The following DYNLL2 variants were observed in gnomAD, a reference collection of about 807,000 sequenced individuals.
DYNLL2 encodes dynein light chain 2, cytoplasmic.
In DYNLL2, 1 loss-of-function variant was observed where a neutral mutation model predicts 9.7. That is an observed-to-expected ratio of 0.10 (90% CI 0.04 to 0.49). The LOEUF is 0.49. Ranked by LOEUF, DYNLL2 falls within the 20% of genes least tolerant of loss-of-function variation. The pLI, the probability that DYNLL2 is intolerant of heterozygous loss-of-function variation, is 0.95. For synonymous variants in DYNLL2, 35 were observed against 40.5 expected, an observed-to-expected ratio of 0.86 and a Z score of 0.52; for missense variants, 37 against 115.2, an observed-to-expected ratio of 0.32 and a Z score of 3.11.
chr17:58,088,558 G>C (rs149217536), intron 2 of DYNLL2, among the ~76,000 whole-genome samples: 416 of 152,280 alleles, frequency 2.7e-3, no homozygotes, highest in Non-Finnish European at 2.6e-3. Context: ...GAATTGCCTT[G>C]ATCTCATGGT....
chr17:58,091,502 G>A lies in DYNLL2; in HGVS notation c.*2223G>A, dbSNP rs140912915. The A allele has an allele frequency of 6.6e-6, 1 of 152,332 alleles. No homozygotes were observed. The highest frequency in any genetic ancestry group is 1.9e-4 in the East Asian group (1 of 5,186). 9.4% of individuals were successfully genotyped at this position (152,332 alleles called of 1,614,324 possible). A position where few individuals can be genotyped will look rare whatever the true frequency, so the allele number is the denominator to read the frequency against. On this transcript the variant is annotated 3_prime_UTR_variant, in exon 3 of 3. Coordinates refer to ENST00000579991, the MANE Select transcript of DYNLL2 (RefSeq NM_080677.3). ...CAGGTGAATCATATTTTGTGTCTTT[G>A]GGATAGTAACTGCTACCTTCCCAGC... is the stretch of plus-strand genomic sequence containing the variant.
chr17:58,084,304 G>A (rs947553432), intron 1 of DYNLL2, among the ~76,000 whole-genome samples: 1 of 152,234 alleles, frequency 6.6e-6, no homozygotes, highest in African/African-American at 2.4e-5. Flanking sequence ...AGAGCCCGAA[G>A]AGGGAAGTAG....
chr17:58,085,667 C>T (rs2075757456), intron 1 of DYNLL2, among the ~76,000 whole-genome samples: 1 of 152,202 alleles, frequency 6.6e-6, no homozygotes, highest in Non-Finnish European at 1.5e-5. Context: ...AGGGTCCATG[C>T]AGGGTCTGCC....
At chr17:58,085,426 G>A (rs1039494947) in intron 1 of DYNLL2, among the ~76,000 whole-genome samples, 2 of 152,184 alleles carry the variant, frequency 1.3e-5, no homozygotes, top group Admixed American at 1.3e-4. Flanking sequence ...CCTTGAGCAG[G>A]CAGCCTCCTG....
At chr17:58,084,905 T>C (rs1490881397) in intron 1 of DYNLL2, among the ~76,000 whole-genome samples, 2 of 152,006 alleles carry the variant, frequency 1.3e-5, no homozygotes, top group East Asian at 1.9e-4. Context: ...TCTTCACTTA[T>C]ACAGAGCCTT....
chr17:58,090,816 T>G lies in DYNLL2; in HGVS notation c.*1537T>G, dbSNP rs187417991. 1 of 147,952 alleles carries G rather than the reference T, an allele frequency of 6.8e-6. No individual in the cohort carries two copies. The highest frequency in any genetic ancestry group is 2.5e-5 in the African/African-American group (1 of 40,452). The allele number at this position is 147,952 out of a possible 1,614,324, so 9.2% of individuals were successfully genotyped here. ...TTTTCATGAGTCGCCTTCAAAACTC[T>G]CGTGTAGGGTTGACAATGTGGGGGG... On this transcript the variant is annotated 3_prime_UTR_variant, in exon 3 of 3. Coordinates refer to ENST00000579991, the MANE Select transcript of DYNLL2 (RefSeq NM_080677.3).
Position 58,094,095 on chromosome 17 carries a change from T to C in DYNLL2, c.*4816T>C, listed in dbSNP as rs775747970. 6 of 152,202 alleles carry C rather than the reference T, an allele frequency of 3.9e-5. No homozygotes were observed. Among genetic ancestry groups the C allele is most frequent in the Admixed American group, 6.5e-5 (1 of 15,286 alleles). 9.4% of individuals were successfully genotyped at this position (152,202 alleles called of 1,614,324 possible). ...GTGAGGCTGCTGGACACTGCTGTTT[T>C]GGGCTTTCTAGAGAGAATGCAAACA... On this transcript the variant is annotated 3_prime_UTR_variant, in exon 3 of 3. Coordinates refer to ENST00000579991, the MANE Select transcript of DYNLL2 (RefSeq NM_080677.3).
At position 58,094,488 on chromosome 17, in the gene DYNLL2, C is replaced by G. The variant is rs1372308904; in HGVS notation, c.*5209C>G. Reference sequence around the variant, plus strand: ...GGAAGGAAATAGGGAAGAAACTTGTCTAAGGTCACATGGATGTTCGCAACA... The same window carrying G: ...GGAAGGAAATAGGGAAGAAACTTGTGTAAGGTCACATGGATGTTCGCAACA... On this transcript the variant is annotated 3_prime_UTR_variant, in exon 3 of 3. Coordinates refer to ENST00000579991, the MANE Select transcript of DYNLL2 (RefSeq NM_080677.3). 1 of 152,176 alleles carries G rather than the reference C, an allele frequency of 6.6e-6. No homozygotes were observed. Among genetic ancestry groups the G allele is most frequent in the Non-Finnish European group, 1.5e-5 (1 of 68,028 alleles). 9.4% of individuals were successfully genotyped at this position (152,176 alleles called of 1,614,324 possible).
chr17:58,090,078 C>T lies in DYNLL2; in HGVS notation c.*799C>T, dbSNP rs2075774587. On this transcript the variant is annotated 3_prime_UTR_variant, in exon 3 of 3. Coordinates refer to ENST00000579991, the MANE Select transcript of DYNLL2 (RefSeq NM_080677.3). ...TCTCCTGTCTGCTCCCTGCTTAGCC[C>T]TCAGTTTCCTCATTCCTCTGGAGTT... 1 of 393,858 alleles carries T rather than the reference C, an allele frequency of 2.5e-6. No individual in the cohort carries two copies. Among genetic ancestry groups the T allele is most frequent in the Non-Finnish European group, 4.5e-6 (1 of 224,008 alleles). The allele number at this position is 393,858 out of a possible 1,614,324, so 24.4% of individuals were successfully genotyped here.
At chr17:58,084,215 T>C (rs1200688177) in intron 1 of DYNLL2, among the ~76,000 whole-genome samples, 1 of 151,810 alleles carries the variant, frequency 6.6e-6, no homozygotes, top group African/African-American at 2.4e-5. Flanking sequence ...AGGAGGATGC[T>C]TCCTCGTTCC....
chr17:58,088,550 A>G (rs1188301266), intron 2 of DYNLL2, among the ~76,000 whole-genome samples: 1 of 152,134 alleles, frequency 6.6e-6, no homozygotes, highest in African/African-American at 2.4e-5. Context: ...CCCTTAGGGA[A>G]TTGCCTTGAT....
Position 58,087,184 on chromosome 17 carries a change from T to C in DYNLL2, c.94T>C (p.Tyr32His), listed in dbSNP as rs1319079901. ...CTGCGCCACGCAGGCCATGGAGAAG[T>C]ACAATATAGAGAAGGACATTGCTGC... ...VDCATQAMEK[Y>H]NIEKDIAAYI... The change falls in exon 2 of 3, where the codon TAC becomes CAC. Residue 32 changes from tyrosine to histidine, a missense_variant. Physicochemically the swap from Tyr to His is moderately conservative, Grantham distance 83. Coordinates refer to ENST00000579991, the MANE Select transcript of DYNLL2 (RefSeq NM_080677.3). The C allele has an allele frequency of 6.2e-7, 1 of 1,613,972 alleles. No individual in the cohort carries two copies. The highest frequency in any genetic ancestry group is 8.5e-7 in the Non-Finnish European group (1 of 1,180,014).
intron 1 of DYNLL2, among the ~76,000 whole-genome samples, chr17:58,085,169 C>T (rs1260181335): frequency 6.6e-6 from 1 of 152,172 alleles, no homozygotes; most frequent in African/African-American, 2.4e-5. Context: ...TGGTCTACTA[C>T]CTCTTTGCTC....
Position 58,089,691 on chromosome 17 carries a change from G to A in DYNLL2, c.*412G>A, listed in dbSNP as rs1044045879. ...AACTGTGCAGCTGCCTCTTCCTGGC[G>A]GTGGATGCTGCTTTGGGAGGGCCAG... On this transcript the variant is annotated 3_prime_UTR_variant, in exon 3 of 3. Coordinates refer to ENST00000579991, the MANE Select transcript of DYNLL2 (RefSeq NM_080677.3). 5 of 408,426 alleles carry A rather than the reference G, an allele frequency of 1.2e-5. No homozygotes were observed. Among genetic ancestry groups the A allele is most frequent in the Admixed American group, 4.3e-5 (1 of 23,134 alleles). The allele number at this position is 408,426 out of a possible 1,614,324, so 25.3% of individuals were successfully genotyped here. A position where few individuals can be genotyped will look rare whatever the true frequency, so the allele number is the denominator to read the frequency against.
rs1011354864 is a variant in DYNLL2 at position 58,093,579 on chromosome 17, A to G, written c.*4300A>G. The G allele has an allele frequency of 2.6e-5, 4 of 151,902 alleles. No homozygotes were observed. Among genetic ancestry groups the G allele is most frequent in the African/African-American group, 7.3e-5 (3 of 41,326 alleles). 9.4% of individuals were successfully genotyped at this position (151,902 alleles called of 1,614,324 possible). On this transcript the variant is annotated 3_prime_UTR_variant, in exon 3 of 3. Transcript: ENST00000579991. Reference sequence around the variant, plus strand: ...GTTTGGCAGCAAGGGTCTCATGGATACTCTTTAAGATGTAGGCCCAGATCT... The same window carrying G: ...GTTTGGCAGCAAGGGTCTCATGGATGCTCTTTAAGATGTAGGCCCAGATCT...
Position 58,089,456 on chromosome 17 carries a change from G to T in DYNLL2, c.*177G>T. ...AGTAAACAAAACCAAACCTCTTTCT[G>T]TTTAGTTGCCTGGGGGAAGAAGGCT... On this transcript the variant is annotated 3_prime_UTR_variant, in exon 3 of 3. Transcript: ENST00000579991. 2 of 738,578 alleles carry T rather than the reference G, an allele frequency of 2.7e-6. No homozygotes were observed. Among genetic ancestry groups the T allele is most frequent in the Non-Finnish European group, 2.0e-6 (1 of 498,364 alleles). 45.8% of individuals were successfully genotyped at this position (738,578 alleles called of 1,614,324 possible).
In DYNLL2 at chr17:58,085,523, G is replaced by C. The variant is rs565814653; in HGVS notation, c.-9-1559G>C. On this transcript the variant is annotated intron_variant, in intron 1 of 2. Coordinates refer to ENST00000579991, the MANE Select transcript of DYNLL2 (RefSeq NM_080677.3). Reference sequence around the variant, plus strand: ...AGAGGGGTGCTTTTAGGGGTGGGATGATGGGGGAGATAGTTACTGCTCCAT... The same window carrying C: ...AGAGGGGTGCTTTTAGGGGTGGGATCATGGGGGAGATAGTTACTGCTCCAT... Among the ~76,000 whole-genome samples, 4 of 152,326 alleles carry C rather than the reference G, an allele frequency of 2.6e-5. No individual in the cohort carries two copies. In the South Asian group the frequency reaches 8.3e-4, roughly 32 times the overall value.
rs1487821722 is a variant in DYNLL2, at chr17:58,090,543, G to A, written c.*1264G>A. ...TCTGGAGCTGGGTCTCAGTGCAGAG[G>A]GACAGTGACTGTGGATGGTTGCAGT... On this transcript the variant is annotated 3_prime_UTR_variant, in exon 3 of 3. Transcript: ENST00000579991. 6.6e-6 allele frequency: 1 copy of A among 152,300 alleles called. No individual in the cohort carries two copies. The highest frequency in any genetic ancestry group is 1.5e-5 in the Non-Finnish European group (1 of 68,166). 9.4% of individuals were successfully genotyped at this position (152,300 alleles called of 1,614,324 possible). A position where few individuals can be genotyped will look rare whatever the true frequency, so the allele number is the denominator to read the frequency against.
chr17:58,092,325 G>A lies in DYNLL2; in HGVS notation c.*3046G>A, dbSNP rs1419182730. 1 of 152,258 alleles carries A rather than the reference G, an allele frequency of 6.6e-6. No individual in the cohort carries two copies. The highest frequency in any genetic ancestry group is 2.1e-4 in the South Asian group (1 of 4,834). 9.4% of individuals were successfully genotyped at this position (152,258 alleles called of 1,614,324 possible). ...CCAAAGCTCATCTACTTTCTTCCCTGATGAAAGAGGCAGTCCAGGTGGCAT... is the reference window on the plus strand; with the variant it reads ...CCAAAGCTCATCTACTTTCTTCCCTAATGAAAGAGGCAGTCCAGGTGGCAT... On this transcript the variant is annotated 3_prime_UTR_variant, in exon 3 of 3. Transcript: ENST00000579991.
Sources: allele counts gnomAD v4.1 joint callset (sites outside exome capture counted in the v4.1 genomes callset), GRCh38; gene constraint gnomAD v4.1.1; transcripts MANE v1.5; gene names NCBI Gene and HGNC (gene_info 2026-07-23, HGNC 2026-07-21).